RETSAT: variants seen among roughly 807,000 people sequenced by gnomAD.
The protein encoded by RETSAT is all-trans-retinol 13,14-reductase.
A neutral mutation model predicts 61.6 loss-of-function variants in RETSAT; 35 were observed. The ratio of observed to expected loss-of-function variants is 0.57; its 90% CI spans 0.43 to 0.75. The LOEUF (loss-of-function observed/expected upper bound fraction) is 0.75. RETSAT is among the 30% of genes least tolerant of loss of function. RETSAT has a pLI of 0.00. For synonymous variants in RETSAT, 277 were observed against 310.4 expected, an observed-to-expected ratio of 0.89 and a Z score of 1.13; for missense variants, 670 against 759.5, an observed-to-expected ratio of 0.88 and a Z score of 1.38.
Position 85,344,261 on chromosome 2 carries a change from C to T in RETSAT, c.1344G>A (p.Pro448=), listed in dbSNP as rs377079963. ...LFFAFPSAKD[P]TWEDRFPGRS... is the part of the protein sequence containing the mutation. ...CACCTGGGAATCGGTCCTCCCAGGT[C>T]GGATCTTTGGCTGATGGGAAAGCGA... Residue 448 remains proline (P), a synonymous_variant, in exon 8 of 11, where the codon CCG becomes CCA. Transcript: ENST00000295802. 15 of 1,613,928 alleles carry T rather than the reference C, an allele frequency of 9.3e-6. 1 individual carries two copies. Among genetic ancestry groups the T allele is most frequent in the East Asian group, 6.7e-5 (3 of 44,862 alleles).
At chr2:85,350,679 G>A (rs779570222) in intron 3 of RETSAT, 101 bp downstream of exon 3, 153 of 1,358,488 alleles carry the variant, frequency 1.1e-4, no homozygotes, top group Non-Finnish European at 1.5e-4. Context: ...CTCCCTTCCT[G>A]CCTCCCGCAC....
intron 1 of RETSAT, among the ~76,000 whole-genome samples, chr2:85,353,061 G>C (rs1683337076): frequency 6.6e-6 from 1 of 152,144 alleles, no homozygotes; most frequent in Admixed American, 6.5e-5. Flanking sequence ...AATTTCACAT[G>C]TAAGTATATA....
rs140058891 is a variant in RETSAT, at chr2:85,350,758, G to A, written c.597+22C>T. On this transcript the variant is annotated intron_variant, in intron 3 of 10. Coordinates refer to ENST00000295802, the MANE Select transcript of RETSAT (RefSeq NM_017750.4). ...CAGCCTTATCGAGAACAAACTCTGGGTCCTCAGCATGTCCATGTTACCTTA... is the reference window on the plus strand; with the variant it reads ...CAGCCTTATCGAGAACAAACTCTGGATCCTCAGCATGTCCATGTTACCTTA... 742 of 1,613,850 alleles carry A rather than the reference G, an allele frequency of 4.6e-4. 1 individual carries two copies. In the African/African-American group the frequency reaches 8.6e-3, roughly 19 times the overall value.
Position 85,343,340 on chromosome 2 carries a change from C to T in RETSAT, c.1735G>A (p.Gly579Ser), listed in dbSNP as rs142803140. The T allele has an allele frequency of 1.6e-3, 2,574 of 1,613,556 alleles. No individual in the cohort carries two copies. The highest frequency in any genetic ancestry group is 8.8e-3 in the Middle Eastern group (53 of 5,990). Residue 579 changes from glycine (G) to serine (S), a missense_variant, in exon 11 of 11, where the codon GGT (glycine) becomes AGT (serine). By Grantham distance (56) the Gly-to-Ser change is moderately conservative. Coordinates refer to ENST00000295802, the MANE Select transcript of RETSAT (RefSeq NM_017750.4). ...ATGGCGCTGCTGCACAGCAGGGCAC[C>T]TTGCAGGGCCCCGACCAGTCCACAG... ...FTCGLVGALQ[G>S]ALLCSSAILK...
intron 7 of RETSAT, 56 bp downstream of exon 7, chr2:85,344,538 T>A: frequency 6.2e-7 from 1 of 1,600,038 alleles, no homozygotes; most frequent in South Asian, 1.1e-5. Context: ...CTGCTCATTC[T>A]CTGAGTCAAG....
chr2:85,344,541 G>GAGC (rs1653650466), intron 7 of RETSAT, 53 bp downstream of exon 7: 6 of 1,600,568 alleles, frequency 3.7e-6, no homozygotes, highest in Non-Finnish European at 5.1e-6. Context: ...CTCATTCTCT[G>GAGC]AGTCAAGCAG....
At chr2:85,351,280 C>T (rs1300635794) in intron 2 of RETSAT, 1 of 512,550 alleles carries the variant, frequency 2.0e-6, no homozygotes, top group Admixed American at 3.4e-5. Context: ...AATCCCAACA[C>T]TTTGGGAGGC....
chr2:85,350,023 C>G lies in RETSAT; in HGVS notation c.799+17G>C, dbSNP rs756635078. ...TCCTCCTCCAGAAGCTGCCCAGAGC[C>G]CAGGCCCAGTACCCACCGTAAGTGG... On this transcript the variant is annotated intron_variant, in intron 4 of 10. Transcript: ENST00000295802. 6.2e-7 allele frequency: 1 copy of G among 1,611,356 alleles called. No homozygotes were observed. Among genetic ancestry groups the G allele is most frequent in the Non-Finnish European group, 8.5e-7 (1 of 1,178,738 alleles).
chr2:85,344,263 G>C lies in RETSAT; in HGVS notation c.1342C>G (p.Pro448Ala). The change falls in exon 8 of 11, where the codon CCG becomes GCG. Residue 448 changes from proline (P) to alanine (A), a missense_variant. Coordinates refer to ENST00000295802, the MANE Select transcript of RETSAT (RefSeq NM_017750.4). The stretch of plus-strand genomic sequence containing the variant: ...CCTGGGAATCGGTCCTCCCAGGTCG[G>C]ATCTTTGGCTGATGGGAAAGCGAAG... ...LFFAFPSAKD[P>A]TWEDRFPGRS... 6.2e-7 allele frequency: 1 copy of C among 1,614,128 alleles called. No homozygotes were observed. The highest frequency in any genetic ancestry group is 1.1e-5 in the South Asian group (1 of 91,082).
At position 85,344,617 on chromosome 2, in the gene RETSAT, G is replaced by C. The variant is rs1683157020; in HGVS notation, c.1233C>G (p.Tyr411Ter). Residue 411 changes from tyrosine (Y) to a stop codon, truncating the protein, a stop_gained, in exon 7 of 11, where the codon TAC (tyrosine) becomes TAG (stop). Transcript: ENST00000295802. LOFTEE classifies it high-confidence loss of function. ...ACGCCTGGTCCATGTCCGTGTCATAGTAAACATAGTAGTTGGTGGACGGCA... is the reference window on the plus strand; with the variant it reads ...ACGCCTGGTCCATGTCCGTGTCATACTAAACATAGTAGTTGGTGGACGGCA... ...LHLPSTNYYV[Y>*]YDTDMDQAME... 6.2e-7 allele frequency: 1 copy of C among 1,614,184 alleles called. No homozygotes were observed. Among genetic ancestry groups the C allele is most frequent in the African/African-American group, 1.3e-5 (1 of 75,060 alleles).
intron 5 of RETSAT, among the ~76,000 whole-genome samples, chr2:85,347,316 G>A (rs1481384919): frequency 1.3e-5 from 2 of 152,126 alleles, no homozygotes; most frequent in East Asian, 1.9e-4. Flanking sequence ...TGCAACCTCC[G>A]CCTCCCAGGT....
Position 85,345,755 on chromosome 2 carries a change from T to G in RETSAT, c.1117+220A>C, listed in dbSNP as rs1469049228. The G allele has an allele frequency of 7.3e-6, 5 of 682,186 alleles. No individual in the cohort carries two copies. In the Admixed American group the frequency reaches 1.0e-4, roughly 14 times the overall value. The allele number at this position is 682,186 out of a possible 1,614,324, so 42.3% of individuals were successfully genotyped here. A position where few individuals can be genotyped will look rare whatever the true frequency, so the allele number is the denominator to read the frequency against. ...CTCAGCCCTGCCCCTTTCAGCTGAGTGGCCTCAGGACTGTAATTAATCTGT... is the reference window on the plus strand; with the variant it reads ...CTCAGCCCTGCCCCTTTCAGCTGAGGGGCCTCAGGACTGTAATTAATCTGT... On this transcript the variant is annotated intron_variant, in intron 6 of 10. Coordinates refer to ENST00000295802, the MANE Select transcript of RETSAT (RefSeq NM_017750.4).
intron 6 of RETSAT, chr2:85,345,729 G>C (rs187834601): frequency 3.4e-4 from 215 of 626,890 alleles, no homozygotes; most frequent in Non-Finnish European, 5.5e-4. Flanking sequence ...CAGCTACTCT[G>C]CTCAGCCCTG....
At chr2:85,348,585 C>T (rs189334137) in intron 5 of RETSAT, among the ~76,000 whole-genome samples, 6,053 of 123,316 alleles carry the variant, frequency 0.049, 197 homozygotes, top group South Asian at 0.16. Context: ...GAGCCGAGAT[C>T]ACACCACTGG....
rs1225097098 is a variant in RETSAT at position 85,350,952 on chromosome 2, C to T, written c.425G>A (p.Gly142Glu). ...GGACAGGGGAGCCCAGTCCAGCTGC[C>T]CTTCAGTGATCTGGTCCAAGATAAA... is the stretch of plus-strand genomic sequence containing the variant. ...GRFILDQITE[G>E]QLDWAPLSSP... The change falls in exon 3 of 11, where the codon GGG (glycine) becomes GAG (glutamate). Residue 142 changes from glycine (G) to glutamate (E), a missense_variant. Transcript: ENST00000295802. The T allele has an allele frequency of 6.2e-7, 1 of 1,614,164 alleles. No individual in the cohort carries two copies. Among genetic ancestry groups the T allele is most frequent in the South Asian group, 1.1e-5 (1 of 91,072 alleles).
chr2:85,351,018 A>G lies in RETSAT; in HGVS notation c.359T>C (p.Ile120Thr). Reference protein sequence around the residue: ...GKNGLEFDTGIHYIGRMEEGS... With the variant: ...GKNGLEFDTGTHYIGRMEEGS... ...CTCTTCCATACGCCCAATGTAATGG[A>G]TTCCTGTTGGGAGATGGAAAAACAA... Residue 120 changes from isoleucine to threonine, a missense_variant, in exon 3 of 11, where the codon ATC (isoleucine) becomes ACC (threonine). Coordinates refer to ENST00000295802, the MANE Select transcript of RETSAT (RefSeq NM_017750.4). 1 of 1,614,120 alleles carries G rather than the reference A, an allele frequency of 6.2e-7. No homozygotes were observed. Among genetic ancestry groups the G allele is most frequent in the Non-Finnish European group, 8.5e-7 (1 of 1,180,026 alleles).
chr2:85,344,835 G>T, intron 6 of RETSAT, 103 bp from the exon 7 acceptor site: 1 of 1,332,048 alleles, frequency 7.5e-7, no homozygotes, highest in Non-Finnish European at 1.0e-6. Flanking sequence ...CCTGCCTGAG[G>T]CATGCCGGGC....
chr2:85,351,711 G>C lies in RETSAT; in HGVS notation c.324C>G (p.Thr108=), dbSNP rs762970343. 6.2e-7 allele frequency: 1 copy of C among 1,614,132 alleles called. No individual in the cohort carries two copies. Among genetic ancestry groups the C allele is most frequent in the Non-Finnish European group, 8.5e-7 (1 of 1,180,014 alleles). ...CAAATTCAAGGCCATTCTTTCCAAAGGTATGACAGCAGCCCCCTGCCTTGG... is the reference window on the plus strand; with the variant it reads ...CAAATTCAAGGCCATTCTTTCCAAACGTATGACAGCAGCCCCCTGCCTTGG... ...QHTKAGGCCH[T]FGKNGLEFDT... is the part of the protein sequence containing the mutation. Residue 108 remains threonine, a synonymous_variant, in exon 2 of 11, where the codon ACC becomes ACG. Coordinates refer to ENST00000295802, the MANE Select transcript of RETSAT (RefSeq NM_017750.4).
rs541014734 is a variant in RETSAT at position 85,344,710 on chromosome 2, C to G, written c.1140G>C (p.Thr380=). The part of the protein sequence containing the change: ...CLPGVKQQLG[T]VRPGLGMTSV... ...AGGTCATGCCTAAGCCGGGCCGCAC[C>G]GTCCCCAGTTGCTGCTTCACACCTG... Residue 380 remains threonine (T), a synonymous_variant, in exon 7 of 11, where the codon ACG becomes ACC. Transcript: ENST00000295802. The G allele has an allele frequency of 1.1e-5, 18 of 1,614,036 alleles. No individual in the cohort carries two copies. The highest frequency in any genetic ancestry group is 2.2e-5 in the East Asian group (1 of 44,878).
Sources: gnomAD v4.1 joint callset for allele counts (sites outside exome capture counted in the v4.1 genomes callset) on GRCh38, gnomAD v4.1.1 for gene constraint, MANE v1.5 for transcripts, NCBI Gene and HGNC (gene_info 2026-07-23, HGNC 2026-07-21) for gene names.